PON3: variants seen among roughly 807,000 people sequenced by gnomAD.
PON3 encodes serum paraoxonase/lactonase 3.
A neutral mutation model predicts 36.3 loss-of-function variants in PON3; 37 were observed. The ratio of observed to expected loss-of-function variants is 1.02; its 90% CI spans 0.78 to 1.34. The LOEUF is 1.34. Ranked by LOEUF, PON3 falls within the 40% of genes most tolerant of loss-of-function variation. PON3 has a pLI of 0.00. For synonymous variants in PON3, 155 were observed against 154.8 expected, an observed-to-expected ratio of 1.00 and a Z score of -0.01; for missense variants, 415 against 426.5, an observed-to-expected ratio of 0.97 and a Z score of 0.24.
intron 3 of PON3, among the ~76,000 whole-genome samples, chr7:95,373,446 A>G (rs1808851751): frequency 6.6e-6 from 1 of 152,160 alleles, no homozygotes; most frequent in Admixed American, 6.5e-5. Flanking sequence ...GGCTTTTCCC[A>G]GACAACACCG....
chr7:95,394,214 G>T (rs1236734432), intron 2 of PON3, among the ~76,000 whole-genome samples: 1 of 152,074 alleles, frequency 6.6e-6, no homozygotes, highest in Non-Finnish European at 1.5e-5. Flanking sequence ...AGGTTCTTGA[G>T]GGGAGGGGCT....
At position 95,394,764 on chromosome 7, in the gene PON3, T is replaced by C. The variant is rs377454805; in HGVS notation, c.75-50A>G. ...GGAAGTCAAGGCACAGCATTCAAAA[T>C]GTATGTTTAAATGTGGACTTCAATC... On this transcript the variant is annotated intron_variant, in intron 1 of 8. Coordinates refer to ENST00000265627, the MANE Select transcript of PON3 (RefSeq NM_000940.3). 1.2e-5 allele frequency: 17 copies of C among 1,458,176 alleles called. No homozygotes were observed. The African/African-American group carries it at 2.2e-4, about 19-fold the overall frequency. 90.3% of individuals were successfully genotyped at this position (1,458,176 alleles called of 1,614,324 possible).
intron 3 of PON3, among the ~76,000 whole-genome samples, chr7:95,373,169 A>G (rs186165462): frequency 6.6e-6 from 1 of 152,208 alleles, no homozygotes; most frequent in East Asian, 1.9e-4. Flanking sequence ...CAATAACTTT[A>G]TATCTTCTCT....
chr7:95,382,318 C>G (rs1164642906), intron 3 of PON3, among the ~76,000 whole-genome samples: 16 of 152,062 alleles, frequency 1.1e-4, no homozygotes, highest in Non-Finnish European at 2.1e-4. Flanking sequence ...CAAACACATT[C>G]AAAAGCTAGC....
intron 6 of PON3, among the ~76,000 whole-genome samples, chr7:95,363,159 G>C (rs1200561111): frequency 6.6e-6 from 1 of 151,506 alleles, no homozygotes; most frequent in African/African-American, 2.4e-5. Context: ...AAGGCCAAAA[G>C]TGTATATACT....
At chr7:95,375,282 G>A (rs1311583944) in intron 3 of PON3, among the ~76,000 whole-genome samples, 3 of 150,066 alleles carry the variant, frequency 2.0e-5, no homozygotes, top group East Asian at 2.0e-4. Context: ...GTGTATATAT[G>A]TACGTATATA....
chr7:95,394,268 G>C (rs1230588434), intron 2 of PON3, among the ~76,000 whole-genome samples: 1 of 145,300 alleles, frequency 6.9e-6, no homozygotes, highest in Non-Finnish European at 1.5e-5. Flanking sequence ...AGCCAGGAAT[G>C]ACAATAAGGA....
At chr7:95,370,643 C>A (rs1808790093) in intron 4 of PON3, among the ~76,000 whole-genome samples, 1 of 151,962 alleles carries the variant, frequency 6.6e-6, no homozygotes. Flanking sequence ...GTGAAGTTTC[C>A]CTGTTCTTAA....
rs777880930 is a variant in PON3 at position 95,359,958 on chromosome 7, T to C, written c.*15A>G. 4.4e-6 allele frequency: 7 copies of C among 1,596,276 alleles called. No homozygotes were observed. Among genetic ancestry groups the C allele is most frequent in the Non-Finnish European group, 6.0e-6 (7 of 1,174,958 alleles). ...AATATGTAGACTTTTTTTTTTTTTT[T>C]TTACTATCTAGAGTCTAGAGCTCAC... On this transcript the variant is annotated 3_prime_UTR_variant, in exon 9 of 9. Coordinates refer to ENST00000265627, the MANE Select transcript of PON3 (RefSeq NM_000940.3).
intron 5 of PON3, among the ~76,000 whole-genome samples, chr7:95,366,095 C>A (rs1366218285): frequency 4.6e-5 from 7 of 152,118 alleles, no homozygotes; most frequent in Non-Finnish European, 8.8e-5. Context: ...TTCCTTGCCT[C>A]ACACTGGTTT....
intron 3 of PON3, among the ~76,000 whole-genome samples, chr7:95,384,962 A>G (rs1242482162): frequency 1.3e-5 from 2 of 152,232 alleles, no homozygotes; most frequent in Non-Finnish European, 2.9e-5. Context: ...CCAAATGTCC[A>G]ACAATGATAG....
intron 5 of PON3, among the ~76,000 whole-genome samples, chr7:95,366,627 G>A (rs1439521326): frequency 6.6e-6 from 1 of 152,186 alleles, no homozygotes; most frequent in African/African-American, 2.4e-5. Flanking sequence ...TAAACAGGCA[G>A]CCTCTCCACT....
rs374838987 is a variant in PON3 at position 95,394,650 on chromosome 7, C to T, written c.139G>A (p.Glu47Lys). Reference sequence around the variant, plus strand: ...GGTACTGTCACATACATACCAAGTTCCTCAATAAGGTGGCAGTTTTCAGGT... The same window carrying T: ...GGTACTGTCACATACATACCAAGTTTCTCAATAAGGTGGCAGTTTTCAGGT... Reference protein sequence around the residue: ...VEPENCHLIEELESGSEDIDI... With the variant: ...VEPENCHLIEKLESGSEDIDI... The change falls in exon 2 of 9, where the codon GAA becomes AAA. Residue 47 changes from glutamate to lysine, a missense_variant. Physicochemically the swap from Glu to Lys is moderately conservative, Grantham distance 56. Coordinates refer to ENST00000265627, the MANE Select transcript of PON3 (RefSeq NM_000940.3). 2 of 1,613,756 alleles carry T rather than the reference C, an allele frequency of 1.2e-6. No homozygotes were observed. The highest frequency in any genetic ancestry group is 1.7e-6 in the Non-Finnish European group (2 of 1,179,810).
Position 95,377,548 on chromosome 7 carries a change from G to A in PON3, c.202-5210C>T, listed in dbSNP as rs778483082. ...TGACAGATACCTCATACAGGCGGAT[G>A]CCCCTCTGGGATGAAGCTTCCAGAA... On this transcript the variant is annotated intron_variant, in intron 3 of 8. Coordinates refer to ENST00000265627, the MANE Select transcript of PON3 (RefSeq NM_000940.3). 1.1e-4 allele frequency: 46 copies of A among 426,966 alleles called. 1 individual carries two copies. The highest frequency in any genetic ancestry group is 8.1e-4 in the East Asian group (9 of 11,054). The allele number at this position is 426,966 out of a possible 1,614,324, so 26.4% of individuals were successfully genotyped here. A position where few individuals can be genotyped will look rare whatever the true frequency, so the allele number is the denominator to read the frequency against.
chr7:95,379,718 G>T (rs1809002027), intron 3 of PON3, among the ~76,000 whole-genome samples: 1 of 152,160 alleles, frequency 6.6e-6, no homozygotes, highest in Non-Finnish European at 1.5e-5. Flanking sequence ...GCTCGAACTG[G>T]GTGGAGCCCA....
intron 7 of PON3, 106 bp from the exon 8 acceptor site, chr7:95,362,596 T>A (rs1156978313): frequency 6.5e-7 from 1 of 1,536,808 alleles, no homozygotes; most frequent in Non-Finnish European, 9.0e-7. Context: ...CTAAAGTTGG[T>A]GTTTTTAGGG....
rs778287055 is a variant in PON3, at chr7:95,390,172, C to T, written c.183G>A (p.Gly61=). ...TACTCACACTGGAGATAAAAGCCAG[C>T]CCACTAGGAAGTATATCAATATCTT... The part of the protein sequence containing the change: ...GSEDIDILPS[G]LAFISSGLKY... The change falls in exon 3 of 9, where the codon GGG becomes GGA. Residue 61 remains glycine (G), a synonymous_variant. Coordinates refer to ENST00000265627, the MANE Select transcript of PON3 (RefSeq NM_000940.3). 6.2e-7 allele frequency: 1 copy of T among 1,611,504 alleles called. No individual in the cohort carries two copies. The highest frequency in any genetic ancestry group is 2.2e-5 in the East Asian group (1 of 44,862).
chr7:95,390,098 T>C, intron 3 of PON3, 56 bp downstream of exon 3: 6 of 1,501,162 alleles, frequency 4.0e-6, no homozygotes, highest in Non-Finnish European at 5.6e-6. Flanking sequence ...ACAACATTAA[T>C]GCACTGTCTA....
At chr7:95,384,897 T>C (rs1317703716) in intron 3 of PON3, among the ~76,000 whole-genome samples, 2 of 152,156 alleles carry the variant, frequency 1.3e-5, no homozygotes, top group Admixed American at 6.5e-5. Context: ...TAAAGACACA[T>C]GCACACGTAT....
Sources: gnomAD v4.1 joint callset for allele counts (sites outside exome capture counted in the v4.1 genomes callset) on GRCh38, gnomAD v4.1.1 for gene constraint, MANE v1.5 for transcripts, NCBI Gene and HGNC (gene_info 2026-07-23, HGNC 2026-07-21) for gene names.